BMPR1B: variants seen among roughly 807,000 people sequenced by gnomAD.
BMPR1B encodes bone morphogenetic protein receptor type-1B.
A neutral mutation model predicts 59.1 loss-of-function variants in BMPR1B; 12 were observed. The ratio of observed to expected loss-of-function variants is 0.20; its 90% CI spans 0.13 to 0.33. The LOEUF is 0.33. Among genes scored for constraint, BMPR1B ranks in the 10% least tolerant of loss-of-function variants. BMPR1B has a pLI of 1.00. For synonymous variants in BMPR1B, 237 were observed against 207.3 expected (o/e 1.14, Z -1.23); for missense variants, 550 against 610.9 (o/e 0.90, Z 1.05).
intron 3 of BMPR1B, among the ~76,000 whole-genome samples, chr4:95,016,484 G>T (rs1045406052): frequency 6.6e-6 from 1 of 152,146 alleles, no homozygotes; most frequent in African/African-American, 2.4e-5. Flanking sequence ...AAACTTTTGA[G>T]AAACTACCAC....
In BMPR1B at chr4:95,129,945, G is replaced by C. The variant is rs1295971366; in HGVS notation, c.669G>C (p.Trp223Cys). The change falls in exon 9 of 13, where the codon TGG (tryptophan) becomes TGC (cysteine). Residue 223 changes from tryptophan to cysteine, a missense_variant. Physicochemically the swap from Trp to Cys is radical, Grantham distance 215. Around this residue, in one of 6 missense-constraint regions of BMPR1B, gnomAD observed 318 missense variants for 284.6 expected, o/e 1.12. Transcript: ENST00000515059. ...ATGGGGAAGTTTGGATGGGAAAGTG[G>C]CGTGGCGAAAAGGTAGCTGTGAAAG... ...GRYGEVWMGK[W>C]RGEKVAVKVF... The C allele has an allele frequency of 6.2e-7, 1 of 1,613,828 alleles. No homozygotes were observed. Among genetic ancestry groups the C allele is most frequent in the African/African-American group, 1.3e-5 (1 of 74,922 alleles).
rs145867855 is a variant in BMPR1B at position 94,881,020 on chromosome 4, G to T, written c.-113+5120G>T. 1.9e-3 allele frequency among the ~76,000 whole-genome samples: 283 copies of T among 152,238 alleles called. 5 individuals carry two copies. In the East Asian group the frequency reaches 0.038, roughly 21 times the overall value. The stretch of plus-strand genomic sequence containing the variant: ...CATCGTAATTCTGAAGTTTTACCTT[G>T]CATAATATTGCCATTTTTTATTGTG... On this transcript the variant is annotated intron_variant, in intron 2 of 12. Transcript: ENST00000515059.
At chr4:95,052,724 C>T (rs150170848) in intron 3 of BMPR1B, among the ~76,000 whole-genome samples, 1 of 152,170 alleles carries the variant, frequency 6.6e-6, no homozygotes, top group African/African-American at 2.4e-5. Flanking sequence ...TGGCTTGGCC[C>T]TACGGAAAAA....
At position 94,845,700 on chromosome 4, in the gene BMPR1B, A is replaced by G. The variant is rs376805783; in HGVS notation, c.-182-30131A>G. Among the ~76,000 whole-genome samples the G allele has an allele frequency of 3.2e-4, 48 of 152,292 alleles. No individual in the cohort carries two copies. In the South Asian group the frequency reaches 4.4e-3, roughly 14 times the overall value. ...TTTCAAAACTTGTAAAGAAATACCTATTTCTTTCAGTCACAAGCTAAAGTT... is the reference window on the plus strand; with the variant it reads ...TTTCAAAACTTGTAAAGAAATACCTGTTTCTTTCAGTCACAAGCTAAAGTT... On this transcript the variant is annotated intron_variant, in intron 1 of 12. Coordinates refer to ENST00000515059, the MANE Select transcript of BMPR1B (RefSeq NM_001203.3).
At chr4:95,150,321 G>A (rs144758950) in intron 11 of BMPR1B, among the ~76,000 whole-genome samples, 5 of 152,110 alleles carry the variant, frequency 3.3e-5, no homozygotes, top group Admixed American at 2.0e-4. Flanking sequence ...TTGATTTCAC[G>A]CATTATAAAG....
chr4:94,870,114 ACT>A (rs1187478047), intron 1 of BMPR1B, among the ~76,000 whole-genome samples: 5 of 152,184 alleles, frequency 3.3e-5, no homozygotes, highest in Admixed American at 6.5e-5. Context: ...ATTTTTATAA[ACT>A]CTGATCAGTC....
At chr4:94,999,368 T>C (rs1181449299) in intron 3 of BMPR1B, among the ~76,000 whole-genome samples, 4 of 152,090 alleles carry the variant, frequency 2.6e-5, no homozygotes, top group Non-Finnish European at 5.9e-5. Flanking sequence ...ATGGTACATA[T>C]TGGTAATAAT....
intron 5 of BMPR1B, 110 bp from the exon 6 acceptor site, chr4:95,115,575 G>A: frequency 1.1e-6 from 1 of 914,618 alleles, no homozygotes; most frequent in Non-Finnish European, 1.8e-6. Flanking sequence ...GAGTGAAATT[G>A]TTAGAATTTT....
intron 1 of BMPR1B, among the ~76,000 whole-genome samples, chr4:94,783,955 T>C (rs1049394778): frequency 2.6e-5 from 4 of 152,134 alleles, no homozygotes; most frequent in African/African-American, 7.2e-5. Context: ...GAGTGGAGTT[T>C]CTCTCATATC....
At chr4:94,985,622 T>C (rs762490801) in intron 2 of BMPR1B, among the ~76,000 whole-genome samples, 3 of 151,880 alleles carry the variant, frequency 2.0e-5, no homozygotes, top group Non-Finnish European at 4.4e-5. Flanking sequence ...TCCATGGTAA[T>C]TATTGTGTTT....
At chr4:95,111,641 G>A (rs1731640255) in intron 4 of BMPR1B, among the ~76,000 whole-genome samples, 1 of 151,964 alleles carries the variant, frequency 6.6e-6, no homozygotes, top group African/African-American at 2.4e-5. Flanking sequence ...AGTATCGCTT[G>A]GTCCCTTGAA....
intron 3 of BMPR1B, among the ~76,000 whole-genome samples, chr4:94,997,978 A>T (rs909269691): frequency 6.6e-6 from 1 of 152,116 alleles, no homozygotes; most frequent in Non-Finnish European, 1.5e-5. Flanking sequence ...TGGGCAGAAA[A>T]CAAGGCAAGC....
chr4:95,038,652 A>C (rs1031403139), intron 3 of BMPR1B, among the ~76,000 whole-genome samples: 2 of 152,324 alleles, frequency 1.3e-5, no homozygotes, highest in South Asian at 4.1e-4. Context: ...TACCATTTTA[A>C]TAAAAAATTA....
rs186640504 is a variant in BMPR1B at position 95,030,198 on chromosome 4, A to G, written c.-18+34064A>G. On this transcript the variant is annotated intron_variant, in intron 3 of 12. Coordinates refer to ENST00000515059, the MANE Select transcript of BMPR1B (RefSeq NM_001203.3). ...AGACATGAAGTCCTTGCCCATGCCT[A>G]TGTCCTGAATGGTAATGCCTAGGTT... Among the ~76,000 whole-genome samples the G allele has an allele frequency of 3.7e-3, 560 of 152,190 alleles. 2 individuals are homozygous for G. Among genetic ancestry groups the G allele is most frequent in the South Asian group, 7.3e-3 (35 of 4,812 alleles).
intron 2 of BMPR1B, among the ~76,000 whole-genome samples, chr4:94,930,073 G>A (rs1338118949): frequency 1.3e-5 from 2 of 151,960 alleles, no homozygotes; most frequent in South Asian, 2.1e-4. Flanking sequence ...AACTAAGACT[G>A]TTTAGGATTA....
rs925282 is a variant in BMPR1B at position 94,785,334 on chromosome 4, T to C, written c.-183+27266T>C. Among the ~76,000 whole-genome samples, 7 of 152,136 alleles carry C rather than the reference T, an allele frequency of 4.6e-5. No homozygotes were observed. In the South Asian group the frequency reaches 1.2e-3, roughly 27 times the overall value. On this transcript the variant is annotated intron_variant, in intron 1 of 12. Coordinates refer to ENST00000515059, the MANE Select transcript of BMPR1B (RefSeq NM_001203.3). ...TAATCAGTGGTGCTCCTAGCACATA[T>C]GTACTTAGGATGGGGTTAAATTAGA...
chr4:95,153,159 A>T (rs28463754), intron 12 of BMPR1B, among the ~76,000 whole-genome samples: 3,257 of 152,274 alleles, frequency 0.021, 119 homozygotes, highest in African/African-American at 0.075. Flanking sequence ...TTAGAGAAAA[A>T]AAGTAGGCAT....
chr4:94,778,269 AAAT>A (rs1480187527), intron 1 of BMPR1B, among the ~76,000 whole-genome samples: 1 of 152,126 alleles, frequency 6.6e-6, no homozygotes, highest in Non-Finnish European at 1.5e-5. Context: ...GGTTTTTAAA[AAAT>A]AATTTTATCA....
chr4:95,137,797 T>C (rs2149311292), intron 10 of BMPR1B, among the ~76,000 whole-genome samples: 1 of 152,300 alleles, frequency 6.6e-6, no homozygotes, highest in Admixed American at 6.5e-5. Flanking sequence ...AGCCTATGTG[T>C]GTCTCTGCAC....
Sources: gnomAD v4.1 joint callset for allele counts (sites outside exome capture counted in the v4.1 genomes callset) on GRCh38, gnomAD v4.1.1 for gene constraint, gnomAD v4.1.1 regional missense constraint, MANE v1.5 for transcripts, NCBI Gene and HGNC (gene_info 2026-07-23, HGNC 2026-07-21) for gene names.